The following THAP4 variants were observed in gnomAD, a reference collection of about 807,000 sequenced individuals.
THAP4 encodes the protein peroxynitrite isomerase THAP4.
A neutral mutation model predicts 48.1 loss-of-function variants in THAP4; 18 were observed. The ratio of observed to expected loss-of-function variants is 0.37; its 90% CI spans 0.26 to 0.56. The LOEUF (loss-of-function observed/expected upper bound fraction) is 0.56. Ranked by LOEUF, THAP4 falls within the 20% of genes least tolerant of loss-of-function variation. The pLI is 0.78. For missense variants in THAP4, 656 were observed against 774.9 expected, an observed-to-expected ratio of 0.85 and a Z score of 1.82; for synonymous variants, 345 against 324.9, an observed-to-expected ratio of 1.06 and a Z score of -0.66.
chr2:241,620,848 G>A (rs920983372), intron 2 of THAP4, among the ~76,000 whole-genome samples: 21 of 152,094 alleles, frequency 1.4e-4, no homozygotes, highest in South Asian at 1.2e-3. Context: ...ATAATCTTAC[G>A]GGACTACCAT....
chr2:241,609,448 C>A (rs1024718737), intron 2 of THAP4, among the ~76,000 whole-genome samples: 1 of 152,214 alleles, frequency 6.6e-6, no homozygotes, highest in Non-Finnish European at 1.5e-5. Flanking sequence ...GCCTTGGAGA[C>A]CTTTCAGTTT....
chr2:241,632,197 A>G (rs1380223878), intron 2 of THAP4, among the ~76,000 whole-genome samples: 1 of 152,122 alleles, frequency 6.6e-6, no homozygotes, highest in East Asian at 1.9e-4. Flanking sequence ...GGTTCAAGCA[A>G]TCCACCTGCC....
rs1302316194 is a variant in THAP4 at position 241,632,979 on chromosome 2, T to G, written c.1178A>C (p.Lys393Thr). The G allele has an allele frequency of 1.2e-6, 2 of 1,613,696 alleles. No individual in the cohort carries two copies. The highest frequency in any genetic ancestry group is 2.2e-5 in the South Asian group (2 of 90,994). ...SDSQVRKLQE[K>T]LDELRRVSVP... The stretch of plus-strand genomic sequence containing the variant: ...GCTCACTCTCCTCAGCTCATCCAGC[T>G]TCTCCTGTAGCTTCCGCACCTGGCT... The change falls in exon 2 of 6, where the codon AAG (lysine) becomes ACG (threonine). Residue 393 changes from lysine (K) to threonine (T), a missense_variant. By Grantham distance (78) the Lys-to-Thr change is moderately conservative (BLOSUM62 -1). This residue lies in a region of THAP4 where 176 missense variants were observed against 256.7 expected (regional missense o/e 0.69). Coordinates refer to ENST00000407315, the MANE Select transcript of THAP4 (RefSeq NM_015963.6).
intron 2 of THAP4, among the ~76,000 whole-genome samples, chr2:241,618,223 C>T (rs1290642031): frequency 2.0e-5 from 3 of 152,058 alleles, no homozygotes; most frequent in African/African-American, 7.2e-5. Context: ...AACTTATCAA[C>T]CATGAAACGG....
intron 5 of THAP4, among the ~76,000 whole-genome samples, chr2:241,592,953 G>A (rs1264600526): frequency 1.3e-5 from 2 of 152,180 alleles, no homozygotes; most frequent in African/African-American, 4.8e-5. Context: ...ATCTTAAAAG[G>A]AAAAGCTGGC....
intron 5 of THAP4, among the ~76,000 whole-genome samples, chr2:241,596,097 T>C (rs2067043061): frequency 1.3e-5 from 2 of 152,342 alleles, no homozygotes; most frequent in East Asian, 1.9e-4. Context: ...TGCCACGTCC[T>C]ATGAGGCCTC....
At chr2:241,604,741 T>G (rs946601114) in intron 3 of THAP4, among the ~76,000 whole-genome samples, 3 of 148,878 alleles carry the variant, frequency 2.0e-5, no homozygotes, top group African/African-American at 7.5e-5. Flanking sequence ...TAAAACAAAT[T>G]TTTTTAGGGT....
intron 5 of THAP4, among the ~76,000 whole-genome samples, chr2:241,590,993 C>T (rs879812362): frequency 0.054 from 4,937 of 91,420 alleles, no homozygotes; most frequent in Admixed American, 0.069. Context: ...CAGAGCTGCT[C>T]GGCTGACAAT....
In THAP4 at chr2:241,584,612, G is replaced by T. The variant is rs759586049; in HGVS notation, c.1728C>A (p.Thr576=). The T allele has an allele frequency of 3.7e-6, 6 of 1,614,046 alleles. No homozygotes were observed. The highest frequency in any genetic ancestry group is 4.2e-6 in the Non-Finnish European group (5 of 1,179,984). ...QHLHVTYKKV[T]P ...GGCTCCAGAAGCTCTAGGTTTACGG[G>T]GTCACCTTCTTGTAGGTGACGTGAA... Residue 576 remains threonine (T), a synonymous_variant, in exon 6 of 6, where the codon ACC becomes ACA. Transcript: ENST00000407315.
At chr2:241,626,440 TCAAAACAAAAACAAAAA>T (rs1358987655) in intron 2 of THAP4, among the ~76,000 whole-genome samples, 2 of 150,436 alleles carry the variant, frequency 1.3e-5, no homozygotes, top group Non-Finnish European at 2.9e-5. Flanking sequence ...AAACTACGTC[TCAAAACAAAAACAAAAA>T]CAAAACAAAA....
upstream of THAP4, chr2:241,637,539 G>C: frequency 6.9e-7 from 1 of 1,454,008 alleles, no homozygotes; most frequent in Non-Finnish European, 9.0e-7. Flanking sequence ...CGGGGCTCGC[G>C]TCGGCCCGGC....
intron 5 of THAP4, among the ~76,000 whole-genome samples, chr2:241,595,680 A>G (rs998502954): frequency 3.3e-5 from 5 of 151,870 alleles, no homozygotes; most frequent in Non-Finnish European, 5.9e-5. Context: ...ATGCTGAGTG[A>G]CAGGTATATG....
rs774436425 is a variant in THAP4, at chr2:241,620,280, T to G, written c.1240+12637A>C. On this transcript the variant is annotated intron_variant, in intron 2 of 5. Coordinates refer to ENST00000407315, the MANE Select transcript of THAP4 (RefSeq NM_015963.6). ...GAGTGAGGGGTGAGGGGTGAGTGAG[T>G]CGTGAGTGAGGGGTGAGTGAGTCGT... 2.4e-3 allele frequency among the ~76,000 whole-genome samples: 65 copies of G among 27,304 alleles called. 1 individual carries two copies. The highest frequency in any genetic ancestry group is 4.2e-3 in the Admixed American group (8 of 1,896). The allele number at this position is 27,304 out of a possible 152,430, so 17.9% of individuals were successfully genotyped here.
At chr2:241,590,549 A>T (rs2066952945) in intron 5 of THAP4, among the ~76,000 whole-genome samples, 1 of 143,934 alleles carries the variant, frequency 6.9e-6, no homozygotes, top group African/African-American at 2.6e-5. Context: ...GGGCACTAGG[A>T]CACTCAGAAC....
intron 4 of THAP4, chr2:241,602,259 A>C: frequency 3.8e-6 from 2 of 521,202 alleles, no homozygotes; most frequent in Non-Finnish European, 3.5e-6. Flanking sequence ...CCACCCACCA[A>C]TCAGCCTGGC....
At chr2:241,622,302 T>C (rs1452433671) in intron 2 of THAP4, among the ~76,000 whole-genome samples, 2 of 151,908 alleles carry the variant, frequency 1.3e-5, no homozygotes, top group Non-Finnish European at 2.9e-5. Context: ...GAGGTGGAGG[T>C]TGCAATGAGC....
At chr2:241,617,775 C>T (rs1041184146) in intron 2 of THAP4, among the ~76,000 whole-genome samples, 1 of 152,188 alleles carries the variant, frequency 6.6e-6, no homozygotes, top group Non-Finnish European at 1.5e-5. Context: ...CAGGCACATC[C>T]TAAATGCTTT....
intron 1 of THAP4, among the ~76,000 whole-genome samples, chr2:241,635,958 G>C (rs555563303): frequency 2.6e-5 from 4 of 152,020 alleles, no homozygotes; most frequent in Non-Finnish European, 5.9e-5. Context: ...GAGGCCAACT[G>C]CAAAGGTACC....
intron 2 of THAP4, among the ~76,000 whole-genome samples, chr2:241,625,994 G>A (rs1011588986): frequency 1.3e-5 from 2 of 152,012 alleles, no homozygotes; most frequent in African/African-American, 2.4e-5. Context: ...ATTGATTAAC[G>A]TAACCCGTCA....
Sources: allele counts gnomAD v4.1 joint callset (sites outside exome capture counted in the v4.1 genomes callset), GRCh38; gene constraint gnomAD v4.1.1; regional missense constraint gnomAD v4.1.1; transcripts MANE v1.5; gene names NCBI Gene and HGNC (gene_info 2026-07-23, HGNC 2026-07-21).